Variants in SBF2 observed in about 807,000 individuals in gnomAD.
The protein encoded by SBF2 is myotubularin-related protein 13.
SBF2 carries 112 observed loss-of-function variants against 225.2 expected under a neutral mutation model. The observed-to-expected ratio is 0.50, with a 90% CI of 0.43 to 0.58. The LOEUF (loss-of-function observed/expected upper bound fraction) is 0.58. SBF2 is among the 20% of genes least tolerant of loss of function. The pLI, the probability that SBF2 is intolerant of heterozygous loss-of-function variation, is 0.00. For missense variants in SBF2, 1,996 were observed against 2,206.2 expected (o/e 0.90, Z 1.91); for synonymous variants, 763 against 773.3 (o/e 0.99, Z 0.22).
chr11:9,908,036 A>T (rs1862247417), intron 16 of SBF2, among the ~76,000 whole-genome samples: 1 of 152,346 alleles, frequency 6.6e-6, no homozygotes, highest in South Asian at 2.1e-4. Context: ...CTCAAGTAAG[A>T]TACTGAACTG....
intron 2 of SBF2, among the ~76,000 whole-genome samples, chr11:10,161,884 C>T (rs761039187): frequency 7.2e-5 from 11 of 152,060 alleles, no homozygotes; most frequent in African/African-American, 2.4e-4. Context: ...ACTCAGGAGG[C>T]TGAAGCAGCA....
chr11:9,858,447 G>A (rs1286816585), intron 17 of SBF2, 51 bp from the exon 18 acceptor site: 2 of 1,567,882 alleles, frequency 1.3e-6, no homozygotes, highest in African/African-American at 2.7e-5. Context: ...AATTATAACA[G>A]TTCATAAGGT....
In SBF2 at chr11:9,872,254, C is replaced by T. The variant is rs537038413; in HGVS notation, c.1930-13858G>A. Among the ~76,000 whole-genome samples the T allele has an allele frequency of 1.3e-4, 20 of 152,140 alleles. No individual in the cohort carries two copies. The East Asian group carries it at 1.4e-3, about 10-fold the overall frequency. ...AACACTGCATGTTCTTACTTATAGG[C>T]GGGAGCTGAAAGATGAGAACACATG... is the stretch of plus-strand genomic sequence containing the variant. On this transcript the variant is annotated intron_variant, in intron 17 of 39. Coordinates refer to ENST00000256190, the MANE Select transcript of SBF2 (RefSeq NM_030962.4).
At position 9,935,877 on chromosome 11, in the gene SBF2, C is replaced by G. The variant is rs146368797; in HGVS notation, c.1860+26080G>C. Among the ~76,000 whole-genome samples, 405 of 152,232 alleles carry G rather than the reference C, an allele frequency of 2.7e-3. 1 individual carries two copies. Among genetic ancestry groups the G allele is most frequent in the African/African-American group, 9.4e-3 (389 of 41,542 alleles). On this transcript the variant is annotated intron_variant, in intron 16 of 39. Coordinates refer to ENST00000256190, the MANE Select transcript of SBF2 (RefSeq NM_030962.4). ...CCCTAGAAGAAAACCTAGGCAATACCATTCAGGACACAGGCATTGGTAAGG... is the reference window on the plus strand; with the variant it reads ...CCCTAGAAGAAAACCTAGGCAATACGATTCAGGACACAGGCATTGGTAAGG...
In SBF2 at chr11:9,803,786, G is replaced by C. The variant is rs1590120186; in HGVS notation, c.4443+4214C>G. On this transcript the variant is annotated intron_variant, in intron 32 of 39. Coordinates refer to ENST00000256190, the MANE Select transcript of SBF2 (RefSeq NM_030962.4). ...TTTAAGAGGTAAAAAACCCAAAAGG[G>C]AGTGGGGAGAATGGGAGGAAACACA... is the stretch of plus-strand genomic sequence containing the variant. Among the ~76,000 whole-genome samples the C allele has an allele frequency of 2.6e-5, 4 of 152,294 alleles. No homozygotes were observed. The South Asian group carries it at 8.3e-4, about 32-fold the overall frequency.
At chr11:10,184,641 A>G (rs78337458) in intron 2 of SBF2, among the ~76,000 whole-genome samples, 11,351 of 152,096 alleles carry the variant, frequency 0.075, 622 homozygotes, top group East Asian at 0.28. Context: ...CCTGGCAACC[A>G]CCATTCTACT....
intron 2 of SBF2, among the ~76,000 whole-genome samples, chr11:10,067,981 A>G (rs905539880): frequency 6.6e-6 from 1 of 152,242 alleles, no homozygotes; most frequent in African/African-American, 2.4e-5. Flanking sequence ...CATTAATAAG[A>G]AACTTTAACA....
chr11:10,241,031 A>C (rs1469151979), intron 1 of SBF2, among the ~76,000 whole-genome samples: 2 of 152,200 alleles, frequency 1.3e-5, no homozygotes, highest in Non-Finnish European at 2.9e-5. Flanking sequence ...GTGCTTAAAA[A>C]AATTTATAGC....
intron 28 of SBF2, among the ~76,000 whole-genome samples, chr11:9,818,537 TTTC>T (rs1854577284): frequency 6.6e-6 from 1 of 152,176 alleles, no homozygotes; most frequent in Non-Finnish European, 1.5e-5. Flanking sequence ...TCAAGTGGGT[TTTC>T]TTCTTTAGAT....
In SBF2 at chr11:10,080,897, C is replaced by G. The variant is rs1422684612; in HGVS notation, c.142-37916G>C. Reference sequence around the variant, plus strand: ...ATGTAATAATAAAGCAATCAATTCACCAAGAAAATATAACAATCCTAAATA... The same window carrying G: ...ATGTAATAATAAAGCAATCAATTCAGCAAGAAAATATAACAATCCTAAATA... On this transcript the variant is annotated intron_variant, in intron 2 of 39. Coordinates refer to ENST00000256190, the MANE Select transcript of SBF2 (RefSeq NM_030962.4). Among the ~76,000 whole-genome samples the G allele has an allele frequency of 2.0e-5, 3 of 151,900 alleles. No individual in the cohort carries two copies. In the East Asian group the frequency reaches 5.8e-4, roughly 29 times the overall value.
chr11:9,974,558 T>C (rs2134407672), intron 13 of SBF2, among the ~76,000 whole-genome samples: 1 of 150,846 alleles, frequency 6.6e-6, no homozygotes, highest in Non-Finnish European at 1.5e-5. Flanking sequence ...AACAGTCCTA[T>C]ACTCTCACTC....
chr11:9,895,842 G>T, intron 17 of SBF2, 101 bp downstream of exon 17: 1 of 844,628 alleles, frequency 1.2e-6, no homozygotes, highest in Non-Finnish European at 2.0e-6. Flanking sequence ...TCTTAGGCAT[G>T]CTACTAAGAG....
intron 2 of SBF2, among the ~76,000 whole-genome samples, chr11:10,079,324 T>C (rs1050332061): frequency 1.3e-5 from 2 of 152,146 alleles, no homozygotes; most frequent in Admixed American, 1.3e-4. Flanking sequence ...TACATACAAC[T>C]ACATCAGTAT....
Position 9,850,035 on chromosome 11 carries a change from G to C in SBF2, c.2794C>G (p.His932Asp), listed in dbSNP as rs921334010. ...TYRILFRGTPHDQLVGEQTVV... is the reference protein window; with the variant it reads ...TYRILFRGTPDDQLVGEQTVV... The stretch of plus-strand genomic sequence containing the variant: ...TATCGAGTCATACCTAACTGATCAT[G>C]GGGTGTTCCTCTGAAGAGAATTCTG... Residue 932 changes from histidine (H) to aspartate (D), a missense_variant, in exon 22 of 40, where the codon CAT (histidine) becomes GAT (aspartate). By Grantham distance (81) the His-to-Asp change is moderately conservative. Coordinates refer to ENST00000256190, the MANE Select transcript of SBF2 (RefSeq NM_030962.4). 1 of 1,613,742 alleles carries C rather than the reference G, an allele frequency of 6.2e-7. No homozygotes were observed. Among genetic ancestry groups the C allele is most frequent in the Non-Finnish European group, 8.5e-7 (1 of 1,179,876 alleles).
intron 1 of SBF2, among the ~76,000 whole-genome samples, chr11:10,265,273 T>A (rs1054155939): frequency 1.3e-5 from 2 of 152,150 alleles, no homozygotes; most frequent in African/African-American, 4.8e-5. Context: ...ATGACTGCCA[T>A]TCTAACTGGT....
At chr11:10,157,059 C>G (rs1413777975) in intron 2 of SBF2, among the ~76,000 whole-genome samples, 2 of 152,106 alleles carry the variant, frequency 1.3e-5, no homozygotes, top group Non-Finnish European at 2.9e-5. Flanking sequence ...GGGATTGCCA[C>G]AAAATCAGAC....
intron 20 of SBF2, 82 bp from the exon 21 acceptor site, chr11:9,852,831 G>C (rs1179230803): frequency 9.4e-7 from 1 of 1,061,812 alleles, no homozygotes; most frequent in East Asian, 2.4e-5. Flanking sequence ...AGAATTAAAA[G>C]TTAATTACAG....
intron 24 of SBF2, among the ~76,000 whole-genome samples, chr11:9,844,550 A>G (rs1035893678): frequency 6.6e-6 from 1 of 152,242 alleles, no homozygotes; most frequent in African/African-American, 2.4e-5. Context: ...CTAGAAAATA[A>G]GGGTTCATAC....
At chr11:9,925,038 C>T (rs1376408495) in intron 16 of SBF2, among the ~76,000 whole-genome samples, 5 of 152,128 alleles carry the variant, frequency 3.3e-5, no homozygotes, top group East Asian at 1.9e-4. Flanking sequence ...CGTGAGCCAC[C>T]GCACCTGGCC....
Sources: gnomAD v4.1 joint callset for allele counts (sites outside exome capture counted in the v4.1 genomes callset) on GRCh38, gnomAD v4.1.1 for gene constraint, MANE v1.5 for transcripts, NCBI Gene and HGNC (gene_info 2026-07-23, HGNC 2026-07-21) for gene names.